Variants in CDH4 observed in about 807,000 individuals in gnomAD.
The protein encoded by CDH4 is cadherin-4.
Under a neutral mutation model 86.0 loss-of-function variants are expected in CDH4, and 33 were observed. The observed-to-expected ratio is 0.38, with a 90% CI of 0.29 to 0.51. The LOEUF (loss-of-function observed/expected upper bound fraction) is 0.51, where lower values mean the gene tolerates loss of function less well. Ranked by LOEUF, CDH4 falls within the 20% of genes least tolerant of loss-of-function variation. CDH4 has a pLI of 0.86. For missense variants in CDH4, 1,114 were observed against 1,307.4 expected, an observed-to-expected ratio of 0.85 and a Z score of 2.28; for synonymous variants, 555 against 549.4, an observed-to-expected ratio of 1.01 and a Z score of -0.14.
chr20:61,763,084 G>A (rs1315573999), intron 3 of CDH4, among the ~76,000 whole-genome samples: 4 of 152,334 alleles, frequency 2.6e-5, no homozygotes, highest in African/African-American at 4.8e-5. Flanking sequence ...GCCGCTGGGC[G>A]GGATGACAAG....
At chr20:61,416,345 C>A (rs2085147178) in intron 2 of CDH4, among the ~76,000 whole-genome samples, 1 of 152,200 alleles carries the variant, frequency 6.6e-6, no homozygotes, top group South Asian at 2.1e-4. Context: ...ATAGGGTAGA[C>A]CACATTCTGT....
At chr20:61,498,424 A>G (rs1054846576) in intron 2 of CDH4, among the ~76,000 whole-genome samples, 1 of 152,260 alleles carries the variant, frequency 6.6e-6, no homozygotes, top group African/African-American at 2.4e-5. Flanking sequence ...ATACACACTC[A>G]GATCAGAGAC....
intron 7 of CDH4, among the ~76,000 whole-genome samples, chr20:61,881,389 AG>A (rs1984269085): frequency 1.3e-5 from 2 of 152,142 alleles, no homozygotes; most frequent in Admixed American, 1.3e-4. Flanking sequence ...GCTGCAGGAG[AG>A]AGAAGCCGTG....
intron 8 of CDH4, among the ~76,000 whole-genome samples, chr20:61,907,124 A>G (rs1176316517): frequency 6.6e-6 from 1 of 151,528 alleles, no homozygotes. Context: ...TGACCCAGCT[A>G]CCACCTCCCC....
At chr20:61,746,600 G>A (rs2088417515) in intron 3 of CDH4, among the ~76,000 whole-genome samples, 1 of 152,250 alleles carries the variant, frequency 6.6e-6, no homozygotes, top group South Asian at 2.1e-4. Context: ...CACCCAGGGT[G>A]TGGGTGCACG....
At chr20:61,677,762 G>A (rs1428218667) in intron 2 of CDH4, among the ~76,000 whole-genome samples, 1 of 89,844 alleles carries the variant, frequency 1.1e-5, no homozygotes, top group East Asian at 3.0e-4. Flanking sequence ...TAGGTGGATG[G>A]ATGGTTAGAT....
intron 9 of CDH4, among the ~76,000 whole-genome samples, chr20:61,918,452 G>A (rs545398904): frequency 9.8e-5 from 15 of 152,288 alleles, no homozygotes; most frequent in East Asian, 1.9e-4. Context: ...CCACACTGGC[G>A]CTGTGCTGGA....
chr20:61,670,147 A>C lies in CDH4; in HGVS notation c.170-73416A>C, dbSNP rs531973445. 2.0e-3 allele frequency among the ~76,000 whole-genome samples: 303 copies of C among 152,324 alleles called. 2 individuals carry two copies. Among genetic ancestry groups the C allele is most frequent in the Middle Eastern group, 6.8e-3 (2 of 294 alleles). ...AGTAGCTGGACAGCATGGCTGCCAC[A>C]TGACATGCAGGGAAATATGGATTTC... On this transcript the variant is annotated intron_variant, in intron 2 of 15. Coordinates refer to ENST00000614565, the MANE Select transcript of CDH4 (RefSeq NM_001794.5).
intron 4 of CDH4, among the ~76,000 whole-genome samples, chr20:61,842,517 T>A (rs1332360824): frequency 6.6e-6 from 1 of 152,250 alleles, no homozygotes; most frequent in Non-Finnish European, 1.5e-5. Flanking sequence ...TCCAGGTGTG[T>A]GTTCTCTGCT....
At chr20:61,827,970 A>G (rs1270307739) in intron 4 of CDH4, among the ~76,000 whole-genome samples, 1 of 152,238 alleles carries the variant, frequency 6.6e-6, no homozygotes, top group Non-Finnish European at 1.5e-5. Flanking sequence ...AAGCTAAGTA[A>G]CCAACTCATT....
rs547217770 is a variant in CDH4, at chr20:61,684,639, G to C, written c.170-58924G>C. Among the ~76,000 whole-genome samples, 18 of 152,036 alleles carry C rather than the reference G, an allele frequency of 1.2e-4. No individual in the cohort carries two copies. The highest frequency in any genetic ancestry group is 2.4e-4 in the Non-Finnish European group (16 of 68,024). ...CTAACCTGCTCTTTAAAATTTTAGG[G>C]CTTTCTTGGGTAGTTTCATTTTATC... On this transcript the variant is annotated intron_variant, in intron 2 of 15. Transcript: ENST00000614565. The surrounding 1 kb of genome is among the most constrained non-coding windows in gnomAD (Gnocchi z 4.5).
intron 2 of CDH4, among the ~76,000 whole-genome samples, chr20:61,320,263 A>T (rs1291444207): frequency 6.6e-6 from 1 of 151,960 alleles, no homozygotes. Context: ...TCCTTGTTTC[A>T]GTTTTTGTCA....
At chr20:61,776,311 T>A (rs1046411947) in intron 4 of CDH4, among the ~76,000 whole-genome samples, 1 of 152,188 alleles carries the variant, frequency 6.6e-6, no homozygotes, top group African/African-American at 2.4e-5. Flanking sequence ...GCCCTGCAGG[T>A]GCAGCCTCCT....
At chr20:61,637,384 G>A (rs901811363) in intron 2 of CDH4, among the ~76,000 whole-genome samples, 7 of 152,136 alleles carry the variant, frequency 4.6e-5, no homozygotes, top group Non-Finnish European at 1.0e-4. Flanking sequence ...GCCCACCCTG[G>A]ATCTCCTCTG....
At chr20:61,749,786 C>T (rs752587016) in intron 3 of CDH4, among the ~76,000 whole-genome samples, 4 of 152,154 alleles carry the variant, frequency 2.6e-5, no homozygotes, top group African/African-American at 7.2e-5. Flanking sequence ...ATTGGCTGGG[C>T]GTGGTGGCTC....
At chr20:61,271,413 TA>T (rs781063009) in intron 2 of CDH4, among the ~76,000 whole-genome samples, 3 of 152,218 alleles carry the variant, frequency 2.0e-5, no homozygotes, top group Admixed American at 6.5e-5. Context: ...TCCTTCTTCC[TA>T]AGTGATAGAA....
chr20:61,876,836 G>C (rs868280580), intron 7 of CDH4, among the ~76,000 whole-genome samples: 1 of 152,192 alleles, frequency 6.6e-6, no homozygotes, highest in Non-Finnish European at 1.5e-5. Context: ...CCACTGCCGG[G>C]TGGAGGGCTG....
intron 2 of CDH4, among the ~76,000 whole-genome samples, chr20:61,258,125 G>A (rs1309669277): frequency 1.3e-5 from 2 of 151,830 alleles, no homozygotes; most frequent in African/African-American, 4.8e-5. Context: ...GTCAGGAGAT[G>A]GAGACCATCC....
At chr20:61,505,660 A>G (rs574306043) in intron 2 of CDH4, among the ~76,000 whole-genome samples, 2 of 143,184 alleles carry the variant, frequency 1.4e-5, no homozygotes, top group South Asian at 2.2e-4. Flanking sequence ...TTTCCTGTAG[A>G]ATCCATGATT....
Sources: allele counts gnomAD v4.1 joint callset (sites outside exome capture counted in the v4.1 genomes callset), GRCh38; gene constraint gnomAD v4.1.1; non-coding constraint Gnocchi (gnomAD v3.1); transcripts MANE v1.5; gene names NCBI Gene and HGNC (gene_info 2026-07-23, HGNC 2026-07-21).